Variants in MPP7 observed in about 807,000 individuals in gnomAD.
MPP7 encodes MAGUK p55 scaffold protein 7.
A neutral mutation model predicts 76.5 loss-of-function variants in MPP7; 60 were observed. That is an observed-to-expected ratio of 0.78 (90% CI 0.64 to 0.97). The LOEUF (loss-of-function observed/expected upper bound fraction) is 0.97, where lower values mean the gene tolerates loss of function less well. MPP7 is among the 50% of genes least tolerant of loss of function. The pLI is 0.00. For missense variants in MPP7, 641 were observed against 694.0 expected (o/e 0.92, Z 0.86); for synonymous variants, 237 against 244.5 (o/e 0.97, Z 0.29).
chr10:28,250,215 G>A (rs1235144674), intron 1 of MPP7, among the ~76,000 whole-genome samples: 1 of 152,062 alleles, frequency 6.6e-6, no homozygotes, highest in African/African-American at 2.4e-5. Context: ...GAGTATTTAG[G>A]GGTGTCAAGT....
chr10:28,149,875 T>C, intron 4 of MPP7, 107 bp downstream of exon 4: 1 of 663,762 alleles, frequency 1.5e-6, no homozygotes, highest in Non-Finnish European at 2.5e-6. Context: ...TAACCTCTTC[T>C]GCTTTTCACT....
At chr10:28,302,106 T>A (rs1841170401) in intron 1 of MPP7, among the ~76,000 whole-genome samples, 1 of 151,090 alleles carries the variant, frequency 6.6e-6, no homozygotes, top group East Asian at 1.9e-4. Context: ...AAGAAAAAAA[T>A]CACAATTCTA....
intron 3 of MPP7, among the ~76,000 whole-genome samples, chr10:28,196,363 G>A (rs1281147052): frequency 2.0e-5 from 3 of 151,576 alleles, no homozygotes; most frequent in African/African-American, 7.3e-5. Flanking sequence ...GCCTGTAATT[G>A]CAGCTACACG....
chr10:28,243,216 T>C (rs976947091), intron 1 of MPP7, among the ~76,000 whole-genome samples: 4 of 151,960 alleles, frequency 2.6e-5, no homozygotes, highest in Non-Finnish European at 4.4e-5. Flanking sequence ...TTGCTAATGA[T>C]AAAAATGAGC....
At chr10:28,268,635 G>A (rs748356177) in intron 1 of MPP7, among the ~76,000 whole-genome samples, 5 of 152,028 alleles carry the variant, frequency 3.3e-5, no homozygotes, top group Non-Finnish European at 7.4e-5. Flanking sequence ...AGGAAGCTGA[G>A]GCAGAAGAAT....
rs112939707 is a variant in MPP7 at position 28,076,103 on chromosome 10, A to G, written c.1124-6251T>C. Among the ~76,000 whole-genome samples, 1,068 of 152,320 alleles carry G rather than the reference A, an allele frequency of 7.0e-3. 14 individuals carry two copies. Among genetic ancestry groups the G allele is most frequent in the African/African-American group, 0.024 (1,016 of 41,564 alleles). ...ACCAATAGAAGTTGCTGGAATTCACATCTGAACTTGGCTCTTTATCTTAAG... is the reference window on the plus strand; with the variant it reads ...ACCAATAGAAGTTGCTGGAATTCACGTCTGAACTTGGCTCTTTATCTTAAG... On this transcript the variant is annotated intron_variant, in intron 12 of 16. Coordinates refer to ENST00000683449, the MANE Select transcript of MPP7 (RefSeq NM_001318170.2).
At chr10:28,213,813 G>A (rs925244063) in intron 2 of MPP7, among the ~76,000 whole-genome samples, 20 of 137,774 alleles carry the variant, frequency 1.5e-4, no homozygotes, top group African/African-American at 5.1e-4. Context: ...AAAAAAAAGA[G>A]AGAGAGAGAG....
intron 1 of MPP7, among the ~76,000 whole-genome samples, chr10:28,264,199 T>C (rs1021213491): frequency 6.6e-6 from 1 of 151,864 alleles, no homozygotes; most frequent in Non-Finnish European, 1.5e-5. Context: ...CTTGGGAGGC[T>C]GAGGTGGGAG....
At chr10:28,118,977 A>AG (rs1182646503) in intron 11 of MPP7, 1 of 985,290 alleles carries the variant, frequency 1.0e-6, no homozygotes, top group African/African-American at 1.7e-5. Flanking sequence ...TGAAACATCT[A>AG]GGCGAGGTGG....
rs1409169873 is a variant in MPP7, at chr10:28,059,755, T to C, written c.1205-12A>G. The C allele has an allele frequency of 2.5e-6, 4 of 1,588,258 alleles. No individual in the cohort carries two copies. Among genetic ancestry groups the C allele is most frequent in the African/African-American group, 1.3e-5 (1 of 74,482 alleles). On this transcript the variant is annotated splice_polypyrimidine_tract_variant and intron_variant, in intron 13 of 16. Coordinates refer to ENST00000683449, the MANE Select transcript of MPP7 (RefSeq NM_001318170.2). ...TGCTCTGGTGGTATCTATGATTTAA[T>C]GAAAAGGAGTTTAGAAAAGCCCACA... is the stretch of plus-strand genomic sequence containing the variant.
chr10:28,082,597 C>T (rs1436482587), intron 12 of MPP7, among the ~76,000 whole-genome samples: 2 of 152,146 alleles, frequency 1.3e-5, no homozygotes, highest in African/African-American at 2.4e-5. Context: ...GCTGGGACTA[C>T]AGGCACACAC....
intron 1 of MPP7, among the ~76,000 whole-genome samples, chr10:28,290,286 C>CTTTT (rs57836658): frequency 3.0e-5 from 4 of 131,830 alleles, no homozygotes; most frequent in South Asian, 4.9e-4. Flanking sequence ...TTTTACTTTC[C>CTTTT]TTTTTTTTTT....
chr10:28,284,791 T>C (rs1201903185), intron 1 of MPP7, among the ~76,000 whole-genome samples: 1 of 152,222 alleles, frequency 6.6e-6, no homozygotes, highest in Non-Finnish European at 1.5e-5. Context: ...GGATGCTTTA[T>C]ACATTTTTGA....
At chr10:28,054,867 G>A (rs567362413) in intron 16 of MPP7, among the ~76,000 whole-genome samples, 94 of 152,118 alleles carry the variant, frequency 6.2e-4, no homozygotes, top group Admixed American at 9.8e-4. Flanking sequence ...AGTACAGATG[G>A]ATTTTCTCCA....
upstream of MPP7, among the ~76,000 whole-genome samples, chr10:28,304,994 C>G (rs910290121): frequency 6.6e-6 from 1 of 152,002 alleles, no homozygotes; most frequent in Admixed American, 6.6e-5. Context: ...AACTTCCAGA[C>G]CGGGATCAGG....
At chr10:28,251,228 G>A (rs1287900924) in intron 1 of MPP7, among the ~76,000 whole-genome samples, 1 of 152,192 alleles carries the variant, frequency 6.6e-6, no homozygotes, top group East Asian at 1.9e-4. Flanking sequence ...ACTTCGGGAG[G>A]CCGAGGTGGG....
At position 28,324,638 on chromosome 10, in the gene MPP7, C is replaced by T. The variant is rs1037689063; in HGVS notation, c.-132+5291G>A. 5.9e-5 allele frequency among the ~76,000 whole-genome samples: 9 copies of T among 152,054 alleles called. 1 individual carries two copies. The highest frequency in any genetic ancestry group is 2.6e-4 in the Admixed American group (4 of 15,252). ...GCTGCCAAAAGAATAAAAAGTAATA[C>T]GGTAATAAAGATTCTTCTTTTTAAA... On this transcript the variant is annotated intron_variant, in intron 2 of 11. Transcript: ENST00000441595.
chr10:28,199,994 C>T (rs985975649), intron 3 of MPP7, among the ~76,000 whole-genome samples: 14 of 152,046 alleles, frequency 9.2e-5, no homozygotes, highest in Admixed American at 5.9e-4. Flanking sequence ...CTAACAGCTT[C>T]GACTGCAGGC....
chr10:28,069,076 C>A (rs955611012), intron 13 of MPP7, among the ~76,000 whole-genome samples: 5 of 152,080 alleles, frequency 3.3e-5, no homozygotes, highest in African/African-American at 1.2e-4. Context: ...TGATACCATA[C>A]GTGCTTGGTA....
Sources: allele counts gnomAD v4.1 joint callset (sites outside exome capture counted in the v4.1 genomes callset), GRCh38; gene constraint gnomAD v4.1.1; transcripts MANE v1.5; gene names NCBI Gene and HGNC (gene_info 2026-07-23, HGNC 2026-07-21).